Variants in CLSTN2 observed in about 807,000 individuals in gnomAD.
The protein encoded by CLSTN2 is calsyntenin-2.
In CLSTN2, 48 loss-of-function variants were observed where a neutral mutation model predicts 101.2. The observed-to-expected ratio is 0.47, with a 90% CI of 0.38 to 0.60. CLSTN2 has a LOEUF of 0.60. CLSTN2 is among the 20% of genes least tolerant of loss of function. The pLI is 0.00. For synonymous variants in CLSTN2, 481 were observed against 463.6 expected (o/e 1.04, Z -0.48); for missense variants, 1,160 against 1,238.2 (o/e 0.94, Z 0.95).
At chr3:140,008,492 C>T (rs572804736) in intron 1 of CLSTN2, among the ~76,000 whole-genome samples, 3 of 152,362 alleles carry the variant, frequency 2.0e-5, no homozygotes, top group Admixed American at 6.5e-5. Context: ...AGCCATGCTG[C>T]TTGTGCAGGG....
chr3:140,151,413 G>A (rs1193061530), intron 1 of CLSTN2, among the ~76,000 whole-genome samples: 1 of 152,024 alleles, frequency 6.6e-6, no homozygotes, highest in Admixed American at 6.6e-5. Flanking sequence ...AGCTCAAGGT[G>A]TCAGAAAAGA....
intron 9 of CLSTN2, 30 bp from the exon 10 acceptor site, chr3:140,546,485 C>T: frequency 6.2e-7 from 1 of 1,608,190 alleles, no homozygotes; most frequent in Non-Finnish European, 8.5e-7. Context: ...CCAGTCTTCA[C>T]AGGGCAAATG....
At chr3:140,211,748 C>G (rs1198263145) in intron 2 of CLSTN2, among the ~76,000 whole-genome samples, 1 of 151,828 alleles carries the variant, frequency 6.6e-6, no homozygotes, top group Non-Finnish European at 1.5e-5. Flanking sequence ...CACCCCTTAC[C>G]CTATTTGACC....
chr3:140,448,554 G>A lies in CLSTN2; in HGVS notation c.823G>A (p.Gly275Arg), dbSNP rs756137891. The A allele has an allele frequency of 5.6e-5, 90 of 1,613,866 alleles. No individual in the cohort carries two copies. The highest frequency in any genetic ancestry group is 7.0e-5 in the Non-Finnish European group (83 of 1,179,974). The change falls in exon 6 of 17, where the codon GGG (glycine) becomes AGG (arginine). Residue 275 changes from glycine (G) to arginine (R), a missense_variant. Coordinates refer to ENST00000458420, the MANE Select transcript of CLSTN2 (RefSeq NM_022131.3). ...GAGGATTGAGTACCAGCCTGGCTCC[G>A]GGAGCATGCCCCTGTTCCCCAGCAT... ...TKRIEYQPGS[G>R]SMPLFPSIHL...
chr3:140,262,937 G>A (rs112870076), intron 2 of CLSTN2, among the ~76,000 whole-genome samples: 8 of 152,210 alleles, frequency 5.3e-5, no homozygotes, highest in African/African-American at 1.9e-4. Flanking sequence ...AACACAAGGA[G>A]GACAGTGAGT....
At chr3:140,424,876 G>T (rs2088547112) in intron 5 of CLSTN2, among the ~76,000 whole-genome samples, 1 of 152,128 alleles carries the variant, frequency 6.6e-6, no homozygotes, top group Non-Finnish European at 1.5e-5. Context: ...AGGGGCCTGT[G>T]GTAGGGGAGG....
At chr3:140,411,651 A>G (rs1203064933) in intron 4 of CLSTN2, among the ~76,000 whole-genome samples, 1 of 152,242 alleles carries the variant, frequency 6.6e-6, no homozygotes, top group Non-Finnish European at 1.5e-5. Context: ...GGAAGATCAC[A>G]TATTAGGTCA....
At chr3:140,251,974 G>C (rs2086569027) in intron 2 of CLSTN2, among the ~76,000 whole-genome samples, 1 of 152,142 alleles carries the variant, frequency 6.6e-6, no homozygotes, top group Admixed American at 6.6e-5. Flanking sequence ...AGCTGCAGTG[G>C]GGAGACAGGG....
intron 1 of CLSTN2, among the ~76,000 whole-genome samples, chr3:140,119,766 G>C (rs2009308085): frequency 1.3e-5 from 2 of 152,150 alleles, no homozygotes; most frequent in Non-Finnish European, 2.9e-5. Context: ...CTCCCCAAGT[G>C]CTGGGATTAC....
chr3:140,417,963 G>T (rs1330432302), intron 4 of CLSTN2, among the ~76,000 whole-genome samples: 1 of 152,158 alleles, frequency 6.6e-6, no homozygotes, highest in East Asian at 1.9e-4. Context: ...ACTTGTTATG[G>T]AAGTAGACCT....
intron 11 of CLSTN2, 39 bp from the exon 12 acceptor site, chr3:140,558,601 G>T: frequency 6.4e-7 from 1 of 1,551,226 alleles, no homozygotes; most frequent in Non-Finnish European, 8.9e-7. Flanking sequence ...TGGTTTAATT[G>T]TTTGCTCATC....
chr3:140,557,354 G>C (rs907488), intron 11 of CLSTN2, among the ~76,000 whole-genome samples: 2 of 152,314 alleles, frequency 1.3e-5, no homozygotes, highest in African/African-American at 4.8e-5. Flanking sequence ...CATTGTTGGA[G>C]CCTGGGACAG....
chr3:140,194,895 C>T (rs1392299953), intron 2 of CLSTN2, among the ~76,000 whole-genome samples: 1 of 152,232 alleles, frequency 6.6e-6, no homozygotes, highest in Non-Finnish European at 1.5e-5. Flanking sequence ...GATACAACCC[C>T]AGTGGGGAGA....
chr3:140,251,639 T>TTTCCTTTCCTTTC (rs397760342), intron 2 of CLSTN2, among the ~76,000 whole-genome samples: 8 of 149,266 alleles, frequency 5.4e-5, no homozygotes, highest in Admixed American at 2.0e-4. Context: ...TTTCCTTTCC[T>TTTCCTTTCCTTTC]CTTTTTGCTT....
chr3:140,151,329 G>A (rs1274513493), intron 1 of CLSTN2, among the ~76,000 whole-genome samples: 1 of 152,052 alleles, frequency 6.6e-6, no homozygotes, highest in African/African-American at 2.4e-5. Context: ...AGACCTCTGG[G>A]AATAGTGGGA....
At chr3:140,153,070 C>T (rs1418403981) in intron 1 of CLSTN2, among the ~76,000 whole-genome samples, 1 of 152,158 alleles carries the variant, frequency 6.6e-6, no homozygotes, top group Non-Finnish European at 1.5e-5. Context: ...AACTGAGTAC[C>T]AGGGCACAGT....
intron 1 of CLSTN2, among the ~76,000 whole-genome samples, chr3:140,170,220 A>C (rs990747290): frequency 2.6e-5 from 4 of 152,196 alleles, no homozygotes; most frequent in Non-Finnish European, 5.9e-5. Context: ...TTTGACCACT[A>C]AAAAGAATAA....
chr3:140,129,661 GATGCTCAGTA>G, intron 1 of CLSTN2, among the ~76,000 whole-genome samples: 1 of 152,190 alleles, frequency 6.6e-6, no homozygotes. Flanking sequence ...GTTCACCCAA[GATGCTCAGTA>G]AATTGTTGAC....
chr3:140,111,896 T>C (rs1382712618), intron 1 of CLSTN2, among the ~76,000 whole-genome samples: 2 of 152,198 alleles, frequency 1.3e-5, no homozygotes, highest in Non-Finnish European at 2.9e-5. Flanking sequence ...TTACAGATGA[T>C]GAAACTGAGG....
Sources: gnomAD v4.1 joint callset for allele counts (sites outside exome capture counted in the v4.1 genomes callset) on GRCh38, gnomAD v4.1.1 for gene constraint, MANE v1.5 for transcripts, NCBI Gene and HGNC (gene_info 2026-07-23, HGNC 2026-07-21) for gene names.